IMMP1L: variants seen among roughly 807,000 people sequenced by gnomAD.
IMMP1L encodes the protein inner mitochondrial membrane peptidase subunit 1.
Under a neutral mutation model 21.8 loss-of-function variants are expected in IMMP1L, and 24 were observed. That is an observed-to-expected ratio of 1.10 (90% confidence interval 0.80 to 1.55). IMMP1L has a LOEUF of 1.55. Ranked by LOEUF, IMMP1L falls within the 40% of genes most tolerant of loss-of-function variation. The probability of loss-of-function intolerance (pLI) is 0.00; values close to 1 mark genes in which losing one functional copy is unlikely to be tolerated. For missense variants in IMMP1L, 195 were observed against 200.7 expected, an observed-to-expected ratio of 0.97 and a Z score of 0.17; for synonymous variants, 46 against 62.8, an observed-to-expected ratio of 0.73 and a Z score of 1.26.
intron 1 of IMMP1L, among the ~76,000 whole-genome samples, chr11:31,475,489 C>T (rs1331680873): frequency 6.6e-6 from 1 of 152,184 alleles, no homozygotes; most frequent in African/African-American, 2.4e-5. Context: ...CCCACTACAG[C>T]CTCCCAAGTG....
At chr11:31,445,800 AT>A (rs971350210) in intron 4 of IMMP1L, among the ~76,000 whole-genome samples, 24 of 151,180 alleles carry the variant, frequency 1.6e-4, no homozygotes, top group African/African-American at 5.4e-4. Flanking sequence ...GACGGATGGC[AT>A]TTTTTAGTGA....
chr11:31,445,727 ATT>A (rs11400521), intron 4 of IMMP1L, among the ~76,000 whole-genome samples: 6 of 146,660 alleles, frequency 4.1e-5, no homozygotes, highest in Admixed American at 6.8e-5. Context: ...TGACAGATGA[ATT>A]TTTTTTTTTT....
intron 1 of IMMP1L, among the ~76,000 whole-genome samples, chr11:31,495,588 G>A (rs1955405224): frequency 6.6e-6 from 1 of 152,180 alleles, no homozygotes; most frequent in South Asian, 2.1e-4. Context: ...GATTTCAAAT[G>A]TTGATATTAT....
chr11:31,482,120 A>T (rs1288287858), intron 1 of IMMP1L, among the ~76,000 whole-genome samples: 2 of 152,096 alleles, frequency 1.3e-5, no homozygotes, highest in Admixed American at 1.3e-4. Context: ...AGTATTTTAT[A>T]GAAAGTACAT....
At chr11:31,464,296 T>C (rs1013474651) in intron 1 of IMMP1L, among the ~76,000 whole-genome samples, 4 of 151,928 alleles carry the variant, frequency 2.6e-5, no homozygotes, top group Admixed American at 6.6e-5. Context: ...ATGAAGCCAG[T>C]AATAAAAGGT....
At position 31,470,684 on chromosome 11, in the gene IMMP1L, T is replaced by C. The variant is rs144863231; in HGVS notation, c.-29-7379A>G. ...AGAGATGTCTGCACTCCTATGTTTA[T>C]TGCAGCACTATTCAGAATAGGCAAG... On this transcript the variant is annotated intron_variant, in intron 1 of 5. Coordinates refer to ENST00000532287, the MANE Select transcript of IMMP1L (RefSeq NM_001304274.2). 2.2e-3 allele frequency among the ~76,000 whole-genome samples: 329 copies of C among 152,310 alleles called. 2 individuals are homozygous for C. The highest frequency in any genetic ancestry group is 3.5e-3 in the Non-Finnish European group (235 of 68,030).
Position 31,463,152 on chromosome 11 carries a change from T to C in IMMP1L, c.105+20A>G. On this transcript the variant is annotated intron_variant, in intron 2 of 5. Coordinates refer to ENST00000532287, the MANE Select transcript of IMMP1L (RefSeq NM_001304274.2). ...GAAAGTATATATTTAAGATGAATAT[T>C]CTTGAACATAAAAACTTACCATGAC... The C allele has an allele frequency of 6.3e-7, 1 of 1,575,606 alleles. No individual in the cohort carries two copies. The highest frequency in any genetic ancestry group is 8.6e-7 in the Non-Finnish European group (1 of 1,160,862).
chr11:31,492,842 T>C (rs112421917), intron 1 of IMMP1L, among the ~76,000 whole-genome samples: 1 of 152,158 alleles, frequency 6.6e-6, no homozygotes. Flanking sequence ...CGGTTTCTGG[T>C]GCCTCAAAAC....
intron 1 of IMMP1L, among the ~76,000 whole-genome samples, chr11:31,501,699 A>G (rs1205812331): frequency 6.6e-6 from 1 of 152,148 alleles, no homozygotes; most frequent in Non-Finnish European, 1.5e-5. Flanking sequence ...CATGCCTGTA[A>G]TCCCAGCACT....
At chr11:31,496,831 T>C (rs988781711) in intron 1 of IMMP1L, among the ~76,000 whole-genome samples, 2 of 148,116 alleles carry the variant, frequency 1.4e-5, no homozygotes, top group Admixed American at 6.8e-5. Flanking sequence ...CATTATATAA[T>C]CTATAATTTT....
chr11:31,469,307 G>A (rs1954466386), intron 1 of IMMP1L, among the ~76,000 whole-genome samples: 1 of 151,796 alleles, frequency 6.6e-6, no homozygotes, highest in Non-Finnish European at 1.5e-5. Context: ...AGGTGATTCA[G>A]GTATTGCACT....
intron 2 of IMMP1L, among the ~76,000 whole-genome samples, chr11:31,461,651 A>G (rs549652390): frequency 9.2e-5 from 14 of 152,324 alleles, no homozygotes; most frequent in African/African-American, 3.1e-4. Context: ...AAAATAGTGT[A>G]TAACATTACC....
intron 4 of IMMP1L, among the ~76,000 whole-genome samples, chr11:31,435,462 T>C (rs1011008905): frequency 2.0e-5 from 3 of 152,236 alleles, no homozygotes; most frequent in African/African-American, 7.2e-5. Flanking sequence ...GATTTGACTT[T>C]TATTGCATTT....
chr11:31,451,697 G>A (rs1953763886), intron 4 of IMMP1L, among the ~76,000 whole-genome samples: 1 of 152,086 alleles, frequency 6.6e-6, no homozygotes, highest in Admixed American at 6.5e-5. Flanking sequence ...ACATGACTCT[G>A]GAGTTCAGGG....
intron 1 of IMMP1L, among the ~76,000 whole-genome samples, chr11:31,504,958 C>A (rs886422698): frequency 4.6e-5 from 7 of 152,148 alleles, no homozygotes; most frequent in Admixed American, 4.6e-4. Context: ...AAAGGAATTA[C>A]CGGAGGTTGA....
At chr11:31,454,525 A>G (rs942124626) in intron 4 of IMMP1L, among the ~76,000 whole-genome samples, 2 of 152,076 alleles carry the variant, frequency 1.3e-5, no homozygotes, top group Admixed American at 6.5e-5. Flanking sequence ...TAAAAAATAC[A>G]TAAGGTGATG....
At chr11:31,496,862 T>C (rs553117380) in intron 1 of IMMP1L, among the ~76,000 whole-genome samples, 1 of 148,064 alleles carries the variant, frequency 6.8e-6, no homozygotes, top group South Asian at 2.1e-4. Context: ...GAGTATATTA[T>C]ATAATCTTAT....
chr11:31,466,187 TGCAA>T (rs1345262477), intron 1 of IMMP1L, among the ~76,000 whole-genome samples: 1 of 152,024 alleles, frequency 6.6e-6, no homozygotes, highest in Non-Finnish European at 1.5e-5. Flanking sequence ...TTCAGGGAAA[TGCAA>T]GTCAAAACTA....
intron 1 of IMMP1L, among the ~76,000 whole-genome samples, chr11:31,490,661 C>T (rs1313167191): frequency 6.6e-6 from 1 of 151,986 alleles, no homozygotes; most frequent in Non-Finnish European, 1.5e-5. Flanking sequence ...ATAGATTATA[C>T]AACACCATTT....
Sources: gnomAD v4.1 joint callset for allele counts (sites outside exome capture counted in the v4.1 genomes callset) on GRCh38, gnomAD v4.1.1 for gene constraint, MANE v1.5 for transcripts, NCBI Gene and HGNC (gene_info 2026-07-23, HGNC 2026-07-21) for gene names.